Variants in RAPGEF4 observed in about 807,000 individuals in gnomAD.
RAPGEF4 encodes RAP guanine-nucleotide-exchange factor (GEF) 4.
Under a neutral mutation model 147.9 loss-of-function variants are expected in RAPGEF4, and 66 were observed. That is an observed-to-expected ratio of 0.45 (90% CI 0.37 to 0.55). The LOEUF is 0.55. Ranked by LOEUF, RAPGEF4 falls within the 20% of genes least tolerant of loss-of-function variation. The pLI, the probability that RAPGEF4 is intolerant of heterozygous loss-of-function variation, is 0.00. For synonymous variants in RAPGEF4, 419 were observed against 442.7 expected (o/e 0.95, Z 0.67); for missense variants, 1,071 against 1,257.3 (o/e 0.85, Z 2.24).
chr2:172,828,355 A>G (rs17756405), intron 4 of RAPGEF4, among the ~76,000 whole-genome samples: 2,274 of 152,284 alleles, frequency 0.015, 19 homozygotes, highest in South Asian at 0.033. Context: ...CTGATGTGAC[A>G]TATCTTCACA....
At chr2:173,020,569 A>G in intron 22 of RAPGEF4, 49 bp from the exon 23 acceptor site, 1 of 1,460,062 alleles carries the variant, frequency 6.8e-7, no homozygotes, top group Non-Finnish European at 9.6e-7. Flanking sequence ...GCAGTGCAGC[A>G]AATCTCAGAT....
At chr2:172,882,181 T>C (rs1365630204) in intron 4 of RAPGEF4, among the ~76,000 whole-genome samples, 3 of 152,250 alleles carry the variant, frequency 2.0e-5, no homozygotes, top group African/African-American at 7.2e-5. Flanking sequence ...ATGAAATGCC[T>C]TGTGATTAGT....
Position 172,967,443 on chromosome 2 carries a change from C to A in RAPGEF4, c.1003C>A (p.Pro335Thr). Residue 335 changes from proline to threonine, a missense_variant and splice_region_variant, in exon 10 of 31, where the codon CCA becomes ACA. Transcript: ENST00000397081. ...DAHMRMILRK[P>T]PGQRTVDDLE... ...CCACATGAGGATGATCCTTCGCAAA[C>A]CGTGAGTGAGAGCTCGTGGCTCACC... 6.2e-7 allele frequency: 1 copy of A among 1,610,056 alleles called. No homozygotes were observed. Among genetic ancestry groups the A allele is most frequent in the Non-Finnish European group, 8.5e-7 (1 of 1,178,668 alleles).
At chr2:172,883,084 C>T (rs942277662) in intron 4 of RAPGEF4, among the ~76,000 whole-genome samples, 2 of 148,570 alleles carry the variant, frequency 1.3e-5, no homozygotes, top group South Asian at 4.5e-4. Context: ...TTTAAAGCAA[C>T]GTGTTTAATA....
chr2:172,879,246 A>G (rs1401295230), intron 4 of RAPGEF4, among the ~76,000 whole-genome samples: 2 of 152,330 alleles, frequency 1.3e-5, no homozygotes, highest in East Asian at 3.9e-4. Flanking sequence ...TGAGAGATCT[A>G]TATATACTGT....
chr2:172,819,489 G>A (rs568290980), intron 4 of RAPGEF4, among the ~76,000 whole-genome samples: 25 of 28,854 alleles, frequency 8.7e-4, no homozygotes, highest in African/African-American at 2.2e-3. Flanking sequence ...TTTTTGAGAC[G>A]GAGTCTCGCT....
Position 173,042,074 on chromosome 2 carries a change from T to C in RAPGEF4, c.2853+5382T>C, listed in dbSNP as rs1684834231. On this transcript the variant is annotated intron_variant, in intron 29 of 30. Transcript: ENST00000397081. This position sits in a 1 kb window ranked among gnomAD's most constrained non-coding sequence, Gnocchi z 4.2. ...ATAGGGGTTTCACAGCCTGGGATTA[T>C]CTTCCTGCCTCTTCAATGTCTTCCC... Among the ~76,000 whole-genome samples the C allele has an allele frequency of 6.6e-6, 1 of 152,180 alleles. No individual in the cohort carries two copies. The highest frequency in any genetic ancestry group is 2.1e-4 in the South Asian group (1 of 4,824).
chr2:172,949,043 G>T (rs192906050), intron 6 of RAPGEF4, among the ~76,000 whole-genome samples: 9 of 152,196 alleles, frequency 5.9e-5, no homozygotes. Context: ...GTTATTCCTA[G>T]GCAGGAAAAA....
intron 1 of RAPGEF4, among the ~76,000 whole-genome samples, chr2:172,758,782 C>CAATT (rs1696024607): frequency 6.6e-6 from 1 of 152,066 alleles, no homozygotes; most frequent in Non-Finnish European, 1.5e-5. Context: ...GTTTGAGATA[C>CAATT]CTATTAGACA....
At chr2:172,993,905 G>A (rs574880734) in intron 15 of RAPGEF4, among the ~76,000 whole-genome samples, 22 of 152,336 alleles carry the variant, frequency 1.4e-4, no homozygotes, top group African/African-American at 5.3e-4. Context: ...GGGGGTCTCC[G>A]ACTGGCCAGG....
intron 30 of RAPGEF4, among the ~76,000 whole-genome samples, chr2:173,050,395 CA>C (rs1686041385): frequency 6.6e-6 from 1 of 151,744 alleles, no homozygotes; most frequent in African/African-American, 2.4e-5. Flanking sequence ...TCACAGGGGG[CA>C]GGGGCATGTA....
At chr2:172,950,999 T>C (rs1688156371) in intron 6 of RAPGEF4, among the ~76,000 whole-genome samples, 1 of 152,342 alleles carries the variant, frequency 6.6e-6, no homozygotes, top group African/African-American at 2.4e-5. Context: ...AAATGAAGAA[T>C]CTTAGGTAAC....
intron 1 of RAPGEF4, among the ~76,000 whole-genome samples, chr2:172,788,195 T>A (rs1201840597): frequency 6.6e-6 from 1 of 152,170 alleles, no homozygotes; most frequent in Admixed American, 6.5e-5. Flanking sequence ...TACCATCACT[T>A]TAAGGGTTAG....
At chr2:172,760,521 A>G (rs1461720170) in intron 1 of RAPGEF4, among the ~76,000 whole-genome samples, 1 of 152,140 alleles carries the variant, frequency 6.6e-6, no homozygotes. Context: ...GATCGAGACC[A>G]TCCTGGCTAA....
chr2:172,879,057 A>G (rs1340554585), intron 4 of RAPGEF4, among the ~76,000 whole-genome samples: 2 of 152,152 alleles, frequency 1.3e-5, no homozygotes, highest in Non-Finnish European at 2.9e-5. Context: ...AAGTCTAGAT[A>G]TCTCTCCTTT....
intron 4 of RAPGEF4, among the ~76,000 whole-genome samples, chr2:172,880,437 A>G (rs1696474739): frequency 1.3e-5 from 2 of 152,144 alleles, no homozygotes; most frequent in African/African-American, 4.8e-5. Flanking sequence ...GTCTTTATTC[A>G]TTTCTGTATT....
intron 3 of RAPGEF4, among the ~76,000 whole-genome samples, chr2:172,811,186 C>G (rs1046750810): frequency 3.3e-5 from 5 of 152,234 alleles, no homozygotes; most frequent in African/African-American, 1.2e-4. Context: ...ACTCTGCCCT[C>G]AGGCAGAGCA....
intron 4 of RAPGEF4, among the ~76,000 whole-genome samples, chr2:172,857,457 A>G (rs755984157): frequency 6.6e-6 from 1 of 152,228 alleles, no homozygotes; most frequent in Non-Finnish European, 1.5e-5. Flanking sequence ...CGGTGTATAC[A>G]TTATTTGAGA....
At chr2:173,051,152 G>A (rs1247635066) in intron 30 of RAPGEF4, among the ~76,000 whole-genome samples, 1 of 152,206 alleles carries the variant, frequency 6.6e-6, no homozygotes, top group Admixed American at 6.5e-5. Context: ...TATACTGTGT[G>A]CAAGTAAAGA....
Sources: gnomAD v4.1 joint callset for allele counts (sites outside exome capture counted in the v4.1 genomes callset) on GRCh38, gnomAD v4.1.1 for gene constraint, Gnocchi (gnomAD v3.1) non-coding constraint, MANE v1.5 for transcripts, NCBI Gene and HGNC (gene_info 2026-07-23, HGNC 2026-07-21) for gene names.